Variants in PTPRD observed in about 807,000 individuals in gnomAD.
PTPRD encodes receptor-type tyrosine-protein phosphatase delta.
Under a neutral mutation model 214.5 loss-of-function variants are expected in PTPRD, and 34 were observed. The ratio of observed to expected loss-of-function variants is 0.16; its 90% CI spans 0.12 to 0.21. The LOEUF is 0.21. Ranked by LOEUF, PTPRD falls within the 10% of genes least tolerant of loss-of-function variation. The pLI, the probability that PTPRD is intolerant of heterozygous loss-of-function variation, is 1.00. For missense variants in PTPRD, 2,545 were observed against 2,398.7 expected (o/e 1.06, Z -1.27); for synonymous variants, 1,128 against 845.7 (o/e 1.33, Z -5.79).
rs559660677 is a variant in PTPRD, at chr9:8,749,248, C to T, written c.-103-15302G>A. Among the ~76,000 whole-genome samples the T allele has an allele frequency of 6.0e-4, 92 of 152,298 alleles. 1 individual carries two copies. The highest frequency in any genetic ancestry group is 6.8e-4 in the Non-Finnish European group (46 of 68,028). On this transcript the variant is annotated intron_variant, in intron 11 of 45. Transcript: ENST00000381196. ...CCAGGCTGGAGTGCAGTGGCACCAT[C>T]TCAGCTCCCAGCAATTTCCGCCTCC...
At chr9:9,737,833 G>A (rs962001905) in intron 6 of PTPRD, among the ~76,000 whole-genome samples, 2 of 152,006 alleles carry the variant, frequency 1.3e-5, no homozygotes, top group Non-Finnish European at 2.9e-5. Context: ...TTTGTTTACA[G>A]TCCTCCTGGG....
intron 11 of PTPRD, among the ~76,000 whole-genome samples, chr9:8,770,052 C>T (rs533492281): frequency 5.9e-5 from 9 of 151,832 alleles, no homozygotes; most frequent in African/African-American, 1.5e-4. Context: ...AGGCCGAGGC[C>T]GGTGGATCAC....
intron 11 of PTPRD, among the ~76,000 whole-genome samples, chr9:8,965,299 G>A (rs1234722857): frequency 6.6e-6 from 1 of 151,362 alleles, no homozygotes; most frequent in Non-Finnish European, 1.5e-5. Context: ...AGAATCAGTT[G>A]AACCCGGGAG....
At chr9:8,816,693 C>T (rs1167029379) in intron 11 of PTPRD, among the ~76,000 whole-genome samples, 1 of 152,100 alleles carries the variant, frequency 6.6e-6, no homozygotes, top group African/African-American at 2.4e-5. Context: ...GGTACAAATC[C>T]TTTAAAAATT....
chr9:10,139,233 A>G (rs745844870), intron 3 of PTPRD, among the ~76,000 whole-genome samples: 3 of 152,042 alleles, frequency 2.0e-5, no homozygotes, highest in Non-Finnish European at 4.4e-5. Context: ...TCAGTGGAAC[A>G]TAACAGTCAA....
intron 2 of PTPRD, among the ~76,000 whole-genome samples, chr9:10,586,979 G>T (rs1469990140): frequency 6.6e-6 from 1 of 151,808 alleles, no homozygotes; most frequent in Non-Finnish European, 1.5e-5. Flanking sequence ...AAGGGTAGAT[G>T]GTGAAGACAG....
intron 10 of PTPRD, among the ~76,000 whole-genome samples, chr9:9,063,947 T>C (rs1188829230): frequency 2.0e-5 from 3 of 152,178 alleles, no homozygotes; most frequent in Non-Finnish European, 4.4e-5. Flanking sequence ...ATTAATTCAG[T>C]GAAAGCTTTG....
intron 5 of PTPRD, among the ~76,000 whole-genome samples, chr9:9,836,414 C>T (rs1252137275): frequency 6.6e-6 from 1 of 152,132 alleles, no homozygotes; most frequent in South Asian, 2.1e-4. Flanking sequence ...CCCACGTGGT[C>T]ATAGTAGCAG....
At chr9:9,379,352 T>C (rs900166997) in intron 9 of PTPRD, among the ~76,000 whole-genome samples, 2 of 151,672 alleles carry the variant, frequency 1.3e-5, no homozygotes, top group South Asian at 4.2e-4. Flanking sequence ...ATTGTATTTA[T>C]GTGGGTCTAT....
At chr9:10,190,647 G>A (rs2099359732) in intron 3 of PTPRD, among the ~76,000 whole-genome samples, 1 of 146,740 alleles carries the variant, frequency 6.8e-6, no homozygotes, top group South Asian at 2.2e-4. Context: ...GAACCTGGAA[G>A]GCAGAAAGTA....
chr9:9,895,548 G>A (rs1268794331), intron 5 of PTPRD, among the ~76,000 whole-genome samples: 1 of 151,892 alleles, frequency 6.6e-6, no homozygotes, highest in Non-Finnish European at 1.5e-5. Flanking sequence ...TTATCTCATA[G>A]AAGTAGGGAC....
intron 9 of PTPRD, among the ~76,000 whole-genome samples, chr9:9,221,083 T>C (rs1192894614): frequency 6.6e-6 from 1 of 152,026 alleles, no homozygotes; most frequent in Non-Finnish European, 1.5e-5. Context: ...GGCCATGAAA[T>C]CAACCAGGTA....
intron 34 of PTPRD, among the ~76,000 whole-genome samples, chr9:8,448,447 A>T (rs1268915154): frequency 6.6e-6 from 1 of 152,214 alleles, no homozygotes; most frequent in Admixed American, 6.5e-5. Flanking sequence ...ACAGTAACTT[A>T]ATTCATATCA....
chr9:10,488,282 G>A (rs917606607), intron 2 of PTPRD, among the ~76,000 whole-genome samples: 24 of 151,140 alleles, frequency 1.6e-4, no homozygotes, highest in Non-Finnish European at 1.6e-4. Context: ...CAGGAGAATG[G>A]CACGAACCTG....
chr9:9,407,343 G>A (rs2073849316), intron 8 of PTPRD, among the ~76,000 whole-genome samples: 1 of 151,554 alleles, frequency 6.6e-6, no homozygotes, highest in East Asian at 1.9e-4. Context: ...TACTATTGAT[G>A]ACATTTAGGT....
intron 10 of PTPRD, among the ~76,000 whole-genome samples, chr9:9,125,595 C>A (rs1169201905): frequency 6.6e-6 from 1 of 152,126 alleles, no homozygotes; most frequent in African/African-American, 2.4e-5. Flanking sequence ...ATATCTGGCA[C>A]AAAATAGGTG....
rs77072133 is a variant in PTPRD at position 9,226,497 on chromosome 9, A to G, written c.-202-43134T>C. On this transcript the variant is annotated intron_variant, in intron 9 of 45. Transcript: ENST00000381196. ...GGGAATTTAGTGGGTAGTGAAGGGT[A>G]TGGGCAGAAGGTGACAAGTGGAGGG... 3.8e-3 allele frequency among the ~76,000 whole-genome samples: 584 copies of G among 152,072 alleles called. 4 individuals are homozygous for G. The highest frequency in any genetic ancestry group is 0.014 in the African/African-American group (564 of 41,500).
At chr9:8,761,288 C>G (rs890523945) in intron 11 of PTPRD, among the ~76,000 whole-genome samples, 22 of 152,168 alleles carry the variant, frequency 1.4e-4, no homozygotes, top group African/African-American at 5.3e-4. Context: ...TAAAAAGAGA[C>G]TAGGACACTC....
At chr9:9,269,837 G>A (rs1036759448) in intron 9 of PTPRD, among the ~76,000 whole-genome samples, 19 of 151,376 alleles carry the variant, frequency 1.3e-4, no homozygotes, top group Admixed American at 1.1e-3. Flanking sequence ...TAGAAGGATG[G>A]TAACCTGAGG....
Sources: gnomAD v4.1 joint callset for allele counts (sites outside exome capture counted in the v4.1 genomes callset) on GRCh38, gnomAD v4.1.1 for gene constraint, MANE v1.5 for transcripts, NCBI Gene and HGNC (gene_info 2026-07-23, HGNC 2026-07-21) for gene names.